CSMD2: variants seen among roughly 807,000 people sequenced by gnomAD.
CSMD2 encodes the protein CUB and Sushi multiple domains 2.
CSMD2 carries 130 observed loss-of-function variants against 398.5 expected under a neutral mutation model. The observed-to-expected ratio is 0.33, with a 90% CI of 0.28 to 0.38. The LOEUF is 0.38. Ranked by LOEUF, CSMD2 falls within the 10% of genes least tolerant of loss-of-function variation. CSMD2 has a pLI of 1.00. For synonymous variants in CSMD2, 1,828 were observed against 1,908.5 expected, an observed-to-expected ratio of 0.96 and a Z score of 1.10; for missense variants, 3,829 against 4,764.9, an observed-to-expected ratio of 0.80 and a Z score of 5.78.
intron 1 of CSMD2, among the ~76,000 whole-genome samples, chr1:34,114,691 C>G (rs923212392): frequency 6.6e-6 from 1 of 151,730 alleles, no homozygotes; most frequent in African/African-American, 2.4e-5. Flanking sequence ...GGATGAGACC[C>G]TGTCTCAAAA....
intron 8 of CSMD2, among the ~76,000 whole-genome samples, 166 bp from the exon 9 acceptor site, chr1:33,820,003 C>T (rs1411688889): frequency 2.0e-5 from 3 of 152,240 alleles, no homozygotes; most frequent in Middle Eastern, 3.4e-3. Context: ...GGAACATCTG[C>T]TCTTCATCTT....
intron 60 of CSMD2, among the ~76,000 whole-genome samples, chr1:33,539,125 G>A (rs757136546): frequency 3.3e-5 from 5 of 152,030 alleles, no homozygotes; most frequent in South Asian, 2.1e-4. Context: ...CCGCCACCAC[G>A]CCCGGCTAAT....
At position 33,716,411 on chromosome 1, in the gene CSMD2, C is replaced by T. The variant is rs777659546; in HGVS notation, c.3092G>A (p.Arg1031Lys). 1.2e-6 allele frequency: 2 copies of T among 1,614,070 alleles called. No homozygotes were observed. The highest frequency in any genetic ancestry group is 4.5e-5 in the East Asian group (2 of 44,884). ...TGGCAGCCGAGATCCAGTTAGCTGC[C>T]TCAGGGGCTGGGTGAAGCTGCCGTT... The part of the protein sequence containing the change: ...TENGSFTQPL[R>K]QLTGSRLPAP... The change falls in exon 20 of 71, where the codon AGG (arginine) becomes AAG (lysine). Residue 1031 changes from arginine to lysine, a missense_variant. By Grantham distance (26) the Arg-to-Lys change is conservative. Transcript: ENST00000373381.
intron 64 of CSMD2, 26 bp from the exon 65 acceptor site, chr1:33,527,284 A>T: frequency 6.3e-7 from 1 of 1,597,852 alleles, no homozygotes; most frequent in Non-Finnish European, 8.6e-7. Context: ...AGTGGAAGAA[A>T]ACAGGTTCAG....
chr1:33,575,695 A>G (rs1193331899), intron 49 of CSMD2, among the ~76,000 whole-genome samples: 1 of 152,214 alleles, frequency 6.6e-6, no homozygotes, highest in Non-Finnish European at 1.5e-5. Context: ...TCCGGAAAAA[A>G]GACTTGTCCT....
At chr1:33,617,102 A>C (rs1175385191) in intron 38 of CSMD2, 127 bp from the exon 39 acceptor site, 2 of 689,438 alleles carry the variant, frequency 2.9e-6, no homozygotes, top group Admixed American at 2.4e-5. Flanking sequence ...AAAGACACAC[A>C]GATCCACTGT....
intron 5 of CSMD2, among the ~76,000 whole-genome samples, chr1:33,851,412 T>G (rs1019316349): frequency 5.3e-5 from 8 of 152,138 alleles, no homozygotes; most frequent in Admixed American, 2.0e-4. Flanking sequence ...TGCATCCCAG[T>G]ACTAAGTATA....
chr1:34,134,625 C>A (rs1027384116), intron 1 of CSMD2, among the ~76,000 whole-genome samples: 3 of 152,080 alleles, frequency 2.0e-5, no homozygotes, highest in Admixed American at 6.5e-5. Flanking sequence ...AATAAAGATA[C>A]CACAGAGTGT....
Position 33,571,570 on chromosome 1 carries a change from C to T in CSMD2, c.7919G>A (p.Gly2640Asp). 1.3e-6 allele frequency: 2 copies of T among 1,532,690 alleles called. No homozygotes were observed. Among genetic ancestry groups the T allele is most frequent in the Non-Finnish European group, 1.8e-6 (2 of 1,126,762 alleles). The allele number at this position is 1,532,690 out of a possible 1,614,324, so 94.9% of individuals were successfully genotyped here. A position where few individuals can be genotyped will look rare whatever the true frequency, so the allele number is the denominator to read the frequency against. The change falls in exon 51 of 71, where the codon GGC becomes GAC. Residue 2640 changes from glycine (G) to aspartate (D), a missense_variant. Transcript: ENST00000373381. ...CGTAGAGTCCCCGAGGCTCCATTTG[C>T]CATTGGCCTGACAGCGGATGACCCT... The part of the protein sequence containing the change: ...GQRVIRCQAN[G>D]KWSLGDSTPT...
At chr1:33,800,546 G>A (rs529253421) in intron 10 of CSMD2, among the ~76,000 whole-genome samples, 15 of 152,266 alleles carry the variant, frequency 9.9e-5, no homozygotes, top group Admixed American at 6.5e-5. Context: ...GGCATTGGCA[G>A]GCAAGATAAC....
chr1:34,159,650 G>C (rs1432551995), intron 1 of CSMD2, among the ~76,000 whole-genome samples: 1 of 152,228 alleles, frequency 6.6e-6, no homozygotes, highest in Non-Finnish European at 1.5e-5. Flanking sequence ...CTTCATCTAT[G>C]AAATGGGAAT....
chr1:33,644,656 A>G (rs1158467194), intron 29 of CSMD2, among the ~76,000 whole-genome samples: 1 of 152,190 alleles, frequency 6.6e-6, no homozygotes, highest in Non-Finnish European at 1.5e-5. Flanking sequence ...AATTGAGGGT[A>G]CTGATGAGAA....
chr1:33,928,358 A>G (rs1421772567), intron 4 of CSMD2, among the ~76,000 whole-genome samples: 1 of 152,196 alleles, frequency 6.6e-6, no homozygotes, highest in Non-Finnish European at 1.5e-5. Flanking sequence ...AGGACCTGGT[A>G]CTTAGTTAGG....
chr1:33,617,743 CT>C, intron 37 of CSMD2, 126 bp from the exon 38 acceptor site: 1 of 693,136 alleles, frequency 1.4e-6, no homozygotes, highest in South Asian at 1.6e-5. Context: ...TTCTCTCATC[CT>C]GTAGGCTAGT....
At chr1:33,577,187 T>G in intron 49 of CSMD2, 109 bp downstream of exon 49, 2 of 1,019,436 alleles carry the variant, frequency 2.0e-6, no homozygotes, top group Non-Finnish European at 2.9e-6. Context: ...AAGAATGAAA[T>G]AATTATCAAA....
At chr1:33,774,391 A>G (rs1345364535) in intron 12 of CSMD2, among the ~76,000 whole-genome samples, 3 of 152,116 alleles carry the variant, frequency 2.0e-5, no homozygotes, top group Admixed American at 6.5e-5. Flanking sequence ...TTCCAGGAAC[A>G]TGGTCCCTTT....
chr1:34,072,585 T>C (rs1655851745), intron 2 of CSMD2, among the ~76,000 whole-genome samples: 1 of 152,182 alleles, frequency 6.6e-6, no homozygotes, highest in African/African-American at 2.4e-5. Flanking sequence ...TGAGAAGTGA[T>C]GCAGGCAGCA....
chr1:33,577,156 G>C (rs1638323130), intron 49 of CSMD2, 140 bp downstream of exon 49: 4 of 803,024 alleles, frequency 5.0e-6, no homozygotes, highest in Non-Finnish European at 7.7e-6. Flanking sequence ...ACGCACTACA[G>C]ATCTTGTAAA....
intron 1 of CSMD2, among the ~76,000 whole-genome samples, chr1:34,102,617 A>G (rs61769764): frequency 0.17 from 12,527 of 72,870 alleles, 609 homozygotes; most frequent in African/African-American, 0.3. Context: ...CTGTGATCCA[A>G]CCATATCCCT....
Sources: allele counts gnomAD v4.1 joint callset (sites outside exome capture counted in the v4.1 genomes callset), GRCh38; gene constraint gnomAD v4.1.1; transcripts MANE v1.5; gene names NCBI Gene and HGNC (gene_info 2026-07-23, HGNC 2026-07-21).